The following INPP4B variants were observed in gnomAD, a reference collection of about 807,000 sequenced individuals.
The protein encoded by INPP4B is inositol polyphosphate-4-phosphatase type II B, also known as inositol polyphosphate 4-phosphatase type II.
In INPP4B, 55 loss-of-function variants were observed where a neutral mutation model predicts 122.5. The ratio of observed to expected loss-of-function variants is 0.45; its 90% CI spans 0.36 to 0.56. The LOEUF (loss-of-function observed/expected upper bound fraction) is 0.56, where lower values mean the gene tolerates loss of function less well. INPP4B is among the 20% of genes least tolerant of loss of function. The pLI is 0.00. For missense variants in INPP4B, 1,000 were observed against 1,097.7 expected (o/e 0.91, Z 1.26); for synonymous variants, 403 against 388.7 (o/e 1.04, Z -0.43).
At chr4:142,164,094 C>T (rs1421956678) in intron 16 of INPP4B, among the ~76,000 whole-genome samples, 1 of 151,760 alleles carries the variant, frequency 6.6e-6, no homozygotes, top group East Asian at 1.9e-4. Flanking sequence ...AGCCTTCTGA[C>T]ATTTTTCCAA....
chr4:142,627,572 T>A (rs1227573603), intron 2 of INPP4B, among the ~76,000 whole-genome samples: 1 of 139,766 alleles, frequency 7.2e-6, no homozygotes, highest in African/African-American at 2.7e-5. Flanking sequence ...TTTGCGTATA[T>A]TGAACCAGCC....
chr4:142,219,011 TA>T, intron 12 of INPP4B, among the ~76,000 whole-genome samples: 1 of 152,156 alleles, frequency 6.6e-6, no homozygotes, highest in African/African-American at 2.4e-5. Context: ...CACACATGGA[TA>T]AAAATTGCAT....
intron 1 of INPP4B, among the ~76,000 whole-genome samples, chr4:142,753,098 AGTAAGAAT>A: frequency 6.6e-6 from 1 of 152,134 alleles, no homozygotes; most frequent in South Asian, 2.1e-4. Context: ...AGAACTTTTT[AGTAAGAAT>A]AAGCATTTTA....
At chr4:142,214,473 G>C (rs563544941) in intron 12 of INPP4B, among the ~76,000 whole-genome samples, 1 of 152,210 alleles carries the variant, frequency 6.6e-6, no homozygotes, top group Admixed American at 6.5e-5. Flanking sequence ...CATTTATAAA[G>C]GGGTTGATTA....
intron 2 of INPP4B, among the ~76,000 whole-genome samples, chr4:142,618,652 A>G (rs760364713): frequency 6.6e-6 from 1 of 152,074 alleles, no homozygotes; most frequent in Non-Finnish European, 1.5e-5. Flanking sequence ...ATAGAGGAAA[A>G]TCTTCATAAC....
chr4:142,618,071 C>T (rs116351579), intron 2 of INPP4B, among the ~76,000 whole-genome samples: 2,063 of 152,182 alleles, frequency 0.014, 36 homozygotes, highest in African/African-American at 0.039. Flanking sequence ...ATTTTATATA[C>T]TTCATGTGCT....
chr4:142,197,426 C>A (rs2149405827), intron 14 of INPP4B, among the ~76,000 whole-genome samples: 1 of 152,242 alleles, frequency 6.6e-6, no homozygotes, highest in East Asian at 1.9e-4. Context: ...ATATTCCAGT[C>A]AGAATAATAA....
chr4:142,817,227 A>G (rs1780217000), intron 1 of INPP4B, among the ~76,000 whole-genome samples: 1 of 152,146 alleles, frequency 6.6e-6, no homozygotes, highest in South Asian at 2.1e-4. Context: ...GCACTCATTC[A>G]TTTAACAAAG....
At chr4:142,581,900 G>T (rs1167173579) in intron 2 of INPP4B, among the ~76,000 whole-genome samples, 2 of 151,930 alleles carry the variant, frequency 1.3e-5, no homozygotes, top group Non-Finnish European at 2.9e-5. Flanking sequence ...GTAATGGCTG[G>T]CATGAGAGAG....
chr4:142,378,379 G>C (rs924421329), intron 7 of INPP4B, among the ~76,000 whole-genome samples: 3 of 152,104 alleles, frequency 2.0e-5, no homozygotes, highest in Non-Finnish European at 2.9e-5. Flanking sequence ...AACCTTGCTC[G>C]GGCACCCATT....
rs192074100 is a variant in INPP4B, at chr4:142,701,740, G to A, written c.-191+24099C>T. Among the ~76,000 whole-genome samples the A allele has an allele frequency of 2.6e-5, 4 of 152,130 alleles. No homozygotes were observed. In the East Asian group the frequency reaches 7.8e-4, roughly 29 times the overall value. On this transcript the variant is annotated intron_variant, in intron 2 of 25. Transcript: ENST00000262992. ...ACCTTGATGTGCAGAGGACACAGTC[G>A]ACTATGGAGAGCCTGAAAATCTGGT...
chr4:142,654,320 T>C (rs1439951831), intron 2 of INPP4B, among the ~76,000 whole-genome samples: 1 of 148,054 alleles, frequency 6.8e-6, no homozygotes, highest in East Asian at 2.0e-4. Flanking sequence ...TGTATACCTA[T>C]GTATGAAAAC....
chr4:142,242,778 C>A (rs970144249), intron 11 of INPP4B, among the ~76,000 whole-genome samples: 1 of 152,184 alleles, frequency 6.6e-6, no homozygotes, highest in Non-Finnish European at 1.5e-5. Flanking sequence ...AGATGTCTCT[C>A]CTTTTTACAT....
chr4:142,160,320 C>G, intron 17 of INPP4B, 38 bp downstream of exon 17: 1 of 1,300,126 alleles, frequency 7.7e-7, no homozygotes, highest in Non-Finnish European at 1.0e-6. Flanking sequence ...TTTCTCATTG[C>G]CAAACATTGA....
chr4:142,097,476 C>G (rs1782473837), intron 23 of INPP4B, among the ~76,000 whole-genome samples: 1 of 151,866 alleles, frequency 6.6e-6, no homozygotes, highest in Non-Finnish European at 1.5e-5. Context: ...AGGCTGGTCT[C>G]AAACTCCTGA....
intron 2 of INPP4B, among the ~76,000 whole-genome samples, chr4:142,649,457 G>T (rs1752478580): frequency 6.6e-6 from 1 of 152,146 alleles, no homozygotes. Context: ...CCCATTGCAA[G>T]TAAGCTAAAA....
At chr4:142,814,732 A>G (rs1779925119) in intron 1 of INPP4B, among the ~76,000 whole-genome samples, 1 of 152,200 alleles carries the variant, frequency 6.6e-6, no homozygotes, top group South Asian at 2.1e-4. Context: ...CATAAAATAA[A>G]TATCCATGAG....
intron 2 of INPP4B, among the ~76,000 whole-genome samples, chr4:142,623,465 G>A (rs983135737): frequency 2.0e-5 from 3 of 151,742 alleles, no homozygotes; most frequent in African/African-American, 7.3e-5. Context: ...TTTTTCCACA[G>A]TCACTCTCCT....
In INPP4B at chr4:142,385,536, G is replaced by A. The variant is rs182730090; in HGVS notation, c.372+17402C>T. ...ATACAGAATAGGAAATGGTCTTACC[G>A]AACGATTATATTTAATTGGAAAAGA... is the stretch of plus-strand genomic sequence containing the variant. On this transcript the variant is annotated intron_variant, in intron 7 of 25. Coordinates refer to ENST00000262992, the MANE Select transcript of INPP4B (RefSeq NM_001101669.3). 5.2e-3 allele frequency among the ~76,000 whole-genome samples: 789 copies of A among 152,172 alleles called. 6 individuals carry two copies. Among genetic ancestry groups the A allele is most frequent in the African/African-American group, 0.018 (749 of 41,514 alleles).
Sources: allele counts gnomAD v4.1 joint callset (sites outside exome capture counted in the v4.1 genomes callset), GRCh38; gene constraint gnomAD v4.1.1; transcripts MANE v1.5; gene names NCBI Gene and HGNC (gene_info 2026-07-23, HGNC 2026-07-21).